The following ZRANB3 variants were observed in gnomAD, a reference collection of about 807,000 sequenced individuals.
ZRANB3 encodes DNA annealing helicase and endonuclease ZRANB3.
In ZRANB3, 125 loss-of-function variants were observed where a neutral mutation model predicts 133.8. The observed-to-expected ratio is 0.93, with a 90% CI of 0.81 to 1.08. ZRANB3 has a LOEUF of 1.08. Among genes scored for constraint, ZRANB3 ranks in the 50% least tolerant of loss-of-function variants. ZRANB3 has a pLI of 0.00. For missense variants in ZRANB3, 1,229 were observed against 1,275.5 expected (o/e 0.96, Z 0.56); for synonymous variants, 387 against 432.7 (o/e 0.89, Z 1.31).
At chr2:135,491,571 T>C (rs892277953) in intron 2 of ZRANB3, among the ~76,000 whole-genome samples, 4 of 151,718 alleles carry the variant, frequency 2.6e-5, no homozygotes, top group African/African-American at 9.7e-5. Flanking sequence ...TGGAGTGCAG[T>C]GGCGCAATCT....
chr2:135,403,643 T>TA (rs1412377697), intron 2 of ZRANB3, among the ~76,000 whole-genome samples: 1 of 152,190 alleles, frequency 6.6e-6, no homozygotes, highest in African/African-American at 2.4e-5. Context: ...TGAGAACAGA[T>TA]AGACTGCCTC....
intron 1 of ZRANB3, among the ~76,000 whole-genome samples, chr2:135,505,447 G>A (rs555738341): frequency 1.3e-5 from 2 of 152,074 alleles, no homozygotes; most frequent in African/African-American, 2.4e-5. Context: ...GGTGGCGCTC[G>A]CCTGTAGTCC....
At chr2:135,228,926 T>C (rs1450509823) in intron 13 of ZRANB3, among the ~76,000 whole-genome samples, 2 of 152,198 alleles carry the variant, frequency 1.3e-5, no homozygotes, top group Non-Finnish European at 2.9e-5. Flanking sequence ...CTAGAAATTT[T>C]CATTGTTGCT....
At chr2:135,346,648 T>C (rs1246438351) in intron 5 of ZRANB3, among the ~76,000 whole-genome samples, 1 of 152,150 alleles carries the variant, frequency 6.6e-6, no homozygotes, top group African/African-American at 2.4e-5. Context: ...AATGTTACCA[T>C]GTTGCCCAGT....
At chr2:135,298,493 C>A (rs1459224336) in intron 8 of ZRANB3, among the ~76,000 whole-genome samples, 1 of 152,148 alleles carries the variant, frequency 6.6e-6, no homozygotes, top group African/African-American at 2.4e-5. Flanking sequence ...TGTTCAGATT[C>A]TTCTGTCTCA....
chr2:135,426,268 T>C (rs1352383212), intron 2 of ZRANB3, among the ~76,000 whole-genome samples: 3 of 152,050 alleles, frequency 2.0e-5, no homozygotes, highest in African/African-American at 7.2e-5. Context: ...AAAGAAGAGC[T>C]GGCACTATTC....
intron 9 of ZRANB3, among the ~76,000 whole-genome samples, chr2:135,273,539 A>T (rs978404153): frequency 6.9e-6 from 1 of 144,974 alleles, no homozygotes; most frequent in South Asian, 2.2e-4. Context: ...GAATATCTAC[A>T]TTTTTTTTTT....
At chr2:135,504,109 G>A in intron 2 of ZRANB3, 1 of 600,928 alleles carries the variant, frequency 1.7e-6, no homozygotes, top group Non-Finnish European at 3.0e-6. Flanking sequence ...AAATAATTAA[G>A]ATAACTGAAC....
At chr2:135,507,143 T>C (rs931742762) in intron 1 of ZRANB3, among the ~76,000 whole-genome samples, 1 of 152,200 alleles carries the variant, frequency 6.6e-6, no homozygotes, top group Non-Finnish European at 1.5e-5. Flanking sequence ...GCGGTACATG[T>C]AGAGAATAAC....
intron 11 of ZRANB3, among the ~76,000 whole-genome samples, chr2:135,266,621 TGGGCGTGGTGGC>T (rs1470054658): frequency 6.6e-6 from 1 of 151,202 alleles, no homozygotes; most frequent in African/African-American, 2.4e-5. Context: ...AAAAACCAGC[TGGGCGTGGTGGC>T]GGGCGCCTGT....
chr2:135,519,212 G>A (rs1488780647), intron 1 of ZRANB3, among the ~76,000 whole-genome samples: 1 of 152,092 alleles, frequency 6.6e-6, no homozygotes, highest in Non-Finnish European at 1.5e-5. Flanking sequence ...TCAATATCCT[G>A]GTTGTACTGT....
At chr2:135,312,933 T>C (rs565368092) in intron 8 of ZRANB3, among the ~76,000 whole-genome samples, 3 of 151,164 alleles carry the variant, frequency 2.0e-5, no homozygotes, top group East Asian at 3.9e-4. Flanking sequence ...GGAAGGAGAA[T>C]TGCTTGAACC....
intron 3 of ZRANB3, among the ~76,000 whole-genome samples, chr2:135,362,585 C>T (rs1188128729): frequency 6.6e-6 from 1 of 152,150 alleles, no homozygotes; most frequent in African/African-American, 2.4e-5. Context: ...CATATTGGGA[C>T]TAGAAAAAGA....
chr2:135,347,345 T>C (rs1302694662), intron 5 of ZRANB3, among the ~76,000 whole-genome samples: 1 of 148,662 alleles, frequency 6.7e-6, no homozygotes, highest in Non-Finnish European at 1.5e-5. Context: ...CAGGCTGGAG[T>C]GCAGTGGTGC....
chr2:135,466,732 C>T (rs572570658), intron 2 of ZRANB3, among the ~76,000 whole-genome samples: 12 of 151,142 alleles, frequency 7.9e-5, no homozygotes, highest in African/African-American at 2.9e-4. Context: ...GGCTAGAGTG[C>T]GATGGCACAA....
intron 2 of ZRANB3, among the ~76,000 whole-genome samples, chr2:135,488,913 A>G (rs1277149964): frequency 6.6e-6 from 1 of 152,024 alleles, no homozygotes; most frequent in African/African-American, 2.4e-5. Context: ...ATATAGCATA[A>G]TAAAACAAAG....
chr2:135,395,726 G>A (rs1053871760), intron 2 of ZRANB3, among the ~76,000 whole-genome samples: 1 of 152,058 alleles, frequency 6.6e-6, no homozygotes, highest in African/African-American at 2.4e-5. Context: ...CCAAAGTGCT[G>A]GGATTACAGG....
chr2:135,499,716 AGGATGAGATATAAGT>A (rs1479174069), intron 2 of ZRANB3, among the ~76,000 whole-genome samples: 5 of 152,364 alleles, frequency 3.3e-5, no homozygotes, highest in African/African-American at 1.2e-4. Flanking sequence ...AGTGTTGATG[AGGATGAGATATAAGT>A]GGAACTCTTA....
intron 6 of ZRANB3, among the ~76,000 whole-genome samples, chr2:135,320,401 T>C (rs1232971520): frequency 6.6e-6 from 1 of 152,214 alleles, no homozygotes; most frequent in Non-Finnish European, 1.5e-5. Flanking sequence ...AACAAAAGGA[T>C]ACTTAATTCC....
Sources: gnomAD v4.1 joint callset for allele counts (sites outside exome capture counted in the v4.1 genomes callset) on GRCh38, gnomAD v4.1.1 for gene constraint, MANE v1.5 for transcripts, NCBI Gene and HGNC (gene_info 2026-07-23, HGNC 2026-07-21) for gene names.